The following OCA2 variants were observed in gnomAD, a reference collection of about 807,000 sequenced individuals.
OCA2 encodes OCA2 melanosomal transmembrane protein, also known as P protein.
OCA2 carries 77 observed loss-of-function variants against 100.2 expected under a neutral mutation model. The observed-to-expected ratio is 0.77, with a 90% CI of 0.64 to 0.93. OCA2 has a LOEUF of 0.93. OCA2 is among the 40% of genes least tolerant of loss of function. OCA2 has a pLI of 0.00. For missense variants in OCA2, 1,062 were observed against 1,089.1 expected (o/e 0.98, Z 0.35); for synonymous variants, 432 against 439.2 (o/e 0.98, Z 0.21).
chr15:28,073,679 A>G (rs2044335345), intron 2 of OCA2, among the ~76,000 whole-genome samples: 1 of 152,240 alleles, frequency 6.6e-6, no homozygotes, highest in South Asian at 2.1e-4. Flanking sequence ...GACGGGATCC[A>G]TACTCCAAAC....
intron 21 of OCA2, among the ~76,000 whole-genome samples, chr15:27,866,951 G>T (rs1273788615): frequency 6.6e-6 from 1 of 152,224 alleles, no homozygotes; most frequent in Non-Finnish European, 1.5e-5. Flanking sequence ...TCAAGAGCAG[G>T]CTGACAGAAG....
intron 23 of OCA2, among the ~76,000 whole-genome samples, chr15:27,824,142 T>A (rs1276112687): frequency 1.3e-5 from 2 of 152,116 alleles, no homozygotes; most frequent in African/African-American, 4.8e-5. Context: ...CTGAGGCCAG[T>A]GGATCACCTG....
chr15:27,734,286 CAAAAAA>C, the OCA2 span, among the ~76,000 whole-genome samples: 21 of 76,380 alleles, frequency 2.7e-4, no homozygotes, highest in African/African-American at 8.0e-4. Flanking sequence ...TTTTCAAGAG[CAAAAAA>C]AAAAAAAAAA....
At chr15:27,723,373 A>C in the OCA2 span, among the ~76,000 whole-genome samples, 1 of 152,164 alleles carries the variant, frequency 6.6e-6, no homozygotes, top group Non-Finnish European at 1.5e-5. Context: ...ACGTGCTATG[A>C]GCACTGCTGT....
chr15:27,889,818 C>T (rs2037381820), intron 19 of OCA2, among the ~76,000 whole-genome samples: 1 of 152,210 alleles, frequency 6.6e-6, no homozygotes, highest in African/African-American at 2.4e-5. Context: ...TGGACAGCAT[C>T]AAGGTGTGAA....
chr15:28,020,451 C>T (rs1237041158), intron 6 of OCA2, among the ~76,000 whole-genome samples: 1 of 152,140 alleles, frequency 6.6e-6, no homozygotes, highest in Non-Finnish European at 1.5e-5. Context: ...CAGCCTCCCC[C>T]TTCAGGTTCC....
At chr15:27,783,159 C>T (rs750814794) in intron 23 of OCA2, among the ~76,000 whole-genome samples, 7 of 152,202 alleles carry the variant, frequency 4.6e-5, no homozygotes, top group Non-Finnish European at 8.8e-5. Flanking sequence ...ATAATAAGCT[C>T]ATTAGCAGTG....
At chr15:27,914,207 T>A (rs2038576880) in intron 19 of OCA2, among the ~76,000 whole-genome samples, 1 of 151,866 alleles carries the variant, frequency 6.6e-6, no homozygotes, top group African/African-American at 2.4e-5. Flanking sequence ...CAAAGGAGCA[T>A]ACCTTAAAAT....
the OCA2 span, among the ~76,000 whole-genome samples, chr15:27,724,145 T>C: frequency 3.9e-5 from 6 of 152,196 alleles, no homozygotes; most frequent in African/African-American, 1.4e-4. Flanking sequence ...GGTCATGTTT[T>C]AAATGTGCAG....
Position 28,028,018 on chromosome 15 carries a change from G to T in OCA2, c.368C>A (p.Ala123Asp), listed in dbSNP as rs370230176. The T allele has an allele frequency of 3.7e-6, 6 of 1,614,112 alleles. No individual in the cohort carries two copies. The highest frequency in any genetic ancestry group is 5.1e-6 in the Non-Finnish European group (6 of 1,180,050). ...IPVYHPEFIT[A>D]EESWEDSSAD... ...AGAGCTGTCTTCCCAAGACTCTTCAGCAGTGATGAACTCTGGATGGTAAAC... is the reference window on the plus strand; with the variant it reads ...AGAGCTGTCTTCCCAAGACTCTTCATCAGTGATGAACTCTGGATGGTAAAC... Residue 123 changes from alanine (A) to aspartate (D), a missense_variant, in exon 4 of 24, where the codon GCT (alanine) becomes GAT (aspartate). By Grantham distance (126) the Ala-to-Asp change is moderately radical. Coordinates refer to ENST00000354638, the MANE Select transcript of OCA2 (RefSeq NM_000275.3).
At chr15:27,979,873 T>TC (rs1296750119) in intron 14 of OCA2, among the ~76,000 whole-genome samples, 3 of 147,052 alleles carry the variant, frequency 2.0e-5, no homozygotes, top group Non-Finnish European at 4.5e-5. Flanking sequence ...CTAGTGTTTT[T>TC]TTTTTTTTTT....
intron 19 of OCA2, among the ~76,000 whole-genome samples, chr15:27,887,112 A>C (rs1373378791): frequency 2.0e-5 from 3 of 152,198 alleles, no homozygotes; most frequent in Admixed American, 6.5e-5. Flanking sequence ...CATCCATGTA[A>C]GATGTGACTT....
chr15:27,897,192 A>G (rs1311059602), intron 19 of OCA2, among the ~76,000 whole-genome samples: 1 of 140,324 alleles, frequency 7.1e-6, no homozygotes, highest in Non-Finnish European at 1.5e-5. Context: ...TCCGTCTCAA[A>G]AAAAAAAAAA....
chr15:27,897,260 T>G (rs920658788), intron 19 of OCA2, among the ~76,000 whole-genome samples: 31 of 151,554 alleles, frequency 2.0e-4, no homozygotes, highest in African/African-American at 7.5e-4. Context: ...AAGAAAAATA[T>G]AGTTTCCTGG....
chr15:27,926,046 A>T, intron 19 of OCA2, 81 bp downstream of exon 19: 1 of 1,479,610 alleles, frequency 6.8e-7, no homozygotes, highest in Non-Finnish European at 9.4e-7. Context: ...TAATAGATGT[A>T]GGCTTTCTTC....
At chr15:27,822,293 C>T (rs1282198324) in intron 23 of OCA2, among the ~76,000 whole-genome samples, 5 of 152,174 alleles carry the variant, frequency 3.3e-5, no homozygotes, top group South Asian at 2.1e-4. Context: ...ATCATATATG[C>T]ACTTTTTTGT....
intron 19 of OCA2, among the ~76,000 whole-genome samples, chr15:27,881,446 T>A (rs889921078): frequency 6.6e-5 from 10 of 152,312 alleles, no homozygotes; most frequent in South Asian, 6.2e-4. Context: ...TGGTACCAGC[T>A]CCTCTTTGTA....
At chr15:27,751,595 A>AG (rs1157638993), downstream of OCA2, among the ~76,000 whole-genome samples, 2 of 152,204 alleles carry the variant, frequency 1.3e-5, no homozygotes, top group Non-Finnish European at 2.9e-5. Flanking sequence ...GCAAGGTTTG[A>AG]GGGGGACCAG....
intron 10 of OCA2, 125 bp from the exon 11 acceptor site, chr15:27,989,791 T>C (rs1274770558): frequency 6.3e-6 from 5 of 796,328 alleles, no homozygotes; most frequent in Middle Eastern, 5.6e-4. Flanking sequence ...AATCTCACCA[T>C]CCACTTGCCT....
Sources: gnomAD v4.1 joint callset for allele counts (sites outside exome capture counted in the v4.1 genomes callset) on GRCh38, gnomAD v4.1.1 for gene constraint, MANE v1.5 for transcripts, NCBI Gene and HGNC (gene_info 2026-07-23, HGNC 2026-07-21) for gene names.